Variants in LATS1 observed in about 807,000 individuals in gnomAD.
LATS1 encodes serine/threonine-protein kinase LATS1.
In LATS1, 25 loss-of-function variants were observed where a neutral mutation model predicts 106.6. The ratio of observed to expected loss-of-function variants is 0.23; its 90% confidence interval spans 0.17 to 0.33. LATS1 has a LOEUF of 0.33. Among genes scored for constraint, LATS1 ranks in the 10% least tolerant of loss-of-function variants. The probability of loss-of-function intolerance (pLI) is 1.00; values close to 1 mark genes in which losing one functional copy is unlikely to be tolerated. For missense variants in LATS1, 1,040 were observed against 1,382.6 expected, an observed-to-expected ratio of 0.75 and a Z score of 3.93; for synonymous variants, 465 against 455.6, an observed-to-expected ratio of 1.02 and a Z score of -0.26.
At chr6:149,672,893 A>C (rs1781514985) in intron 7 of LATS1, among the ~76,000 whole-genome samples, 1 of 152,028 alleles carries the variant, frequency 6.6e-6, no homozygotes, top group Non-Finnish European at 1.5e-5. Flanking sequence ...GCAGTGAGCC[A>C]AGATAGCACC....
intron 1 of LATS1, among the ~76,000 whole-genome samples, chr6:149,713,048 C>A (rs996603895): frequency 6.6e-6 from 1 of 152,010 alleles, no homozygotes; most frequent in Non-Finnish European, 1.5e-5. Context: ...AACCCTTGGG[C>A]CCCCAACTTC....
At chr6:149,672,551 T>C (rs796750503) in intron 7 of LATS1, among the ~76,000 whole-genome samples, 7 of 152,122 alleles carry the variant, frequency 4.6e-5, no homozygotes, top group African/African-American at 1.4e-4. Context: ...ATCTTGCTCA[T>C]GTTCTAGATT....
chr6:149,698,075 G>C (rs923754096), intron 2 of LATS1, among the ~76,000 whole-genome samples: 2 of 151,994 alleles, frequency 1.3e-5, no homozygotes, highest in Non-Finnish European at 2.9e-5. Context: ...TTTCAGCCTT[G>C]TGATTCTGGT....
At chr6:149,667,049 A>G (rs1323383853) in intron 7 of LATS1, among the ~76,000 whole-genome samples, 1 of 152,178 alleles carries the variant, frequency 6.6e-6, no homozygotes, top group Non-Finnish European at 1.5e-5. Flanking sequence ...GAAATTTTAT[A>G]ATGGAAAAAT....
Position 149,683,990 on chromosome 6 carries a change from T to C in LATS1, c.1099A>G (p.Thr367Ala). 3 of 1,614,182 alleles carry C rather than the reference T, an allele frequency of 1.9e-6. No homozygotes were observed. The highest frequency in any genetic ancestry group is 2.2e-5 in the East Asian group (1 of 44,886). Residue 367 changes from threonine to alanine, a missense_variant, in exon 4 of 8, where the codon ACT becomes GCT. By Grantham distance (58) the Thr-to-Ala change is moderately conservative (BLOSUM62 0). Coordinates refer to ENST00000543571, the MANE Select transcript of LATS1 (RefSeq NM_004690.4). ...MIHQNVVPAGTVNRQPPPPYP... is the reference protein window; with the variant it reads ...MIHQNVVPAGAVNRQPPPPYP... ...GGAGGTGGTGGCTGCCGATTCACAGTGCCAGCAGGGACAACATTTTGGTGT... is the reference window on the plus strand; with the variant it reads ...GGAGGTGGTGGCTGCCGATTCACAGCGCCAGCAGGGACAACATTTTGGTGT...
Position 149,683,876 on chromosome 6 carries a change from T to C in LATS1, c.1213A>G (p.Ile405Val), listed in dbSNP as rs149083168. Residue 405 changes from isoleucine (I) to valine (V), a missense_variant, in exon 4 of 8, where the codon ATT becomes GTT. Transcript: ENST00000543571. ...AAPSSYTNGS[I>V]PQSMMVPNRN... ...TTTGGCACCATCATAGACTGAGGAA[T>C]ACTTCCATTTGTATATGACGAAGGA... 63 of 1,613,980 alleles carry C rather than the reference T, an allele frequency of 3.9e-5. No homozygotes were observed. The highest frequency in any genetic ancestry group is 5.2e-5 in the Non-Finnish European group (61 of 1,179,952).
At chr6:149,679,445 G>A (rs1468888021) in intron 5 of LATS1, among the ~76,000 whole-genome samples, 3 of 151,580 alleles carry the variant, frequency 2.0e-5, no homozygotes, top group East Asian at 1.9e-4. Flanking sequence ...CCAGCTACTC[G>A]GGAGGCTGAG....
chr6:149,713,718 G>T (rs530409276), intron 1 of LATS1, among the ~76,000 whole-genome samples: 1 of 151,456 alleles, frequency 6.6e-6, no homozygotes, highest in Non-Finnish European at 1.5e-5. Context: ...GGAGTGCAAT[G>T]GCGTGATCTC....
chr6:149,667,973 T>A (rs1262683273), intron 7 of LATS1, among the ~76,000 whole-genome samples: 1 of 152,114 alleles, frequency 6.6e-6, no homozygotes, highest in Non-Finnish European at 1.5e-5. Context: ...CCGGCTGGAG[T>A]GCAGTGGTGT....
At chr6:149,686,732 C>T (rs772136325) in intron 3 of LATS1, among the ~76,000 whole-genome samples, 26 of 152,210 alleles carry the variant, frequency 1.7e-4, no homozygotes, top group Admixed American at 6.5e-4. Flanking sequence ...GGAGGCCACA[C>T]TAATTCCTCT....
intron 1 of LATS1, among the ~76,000 whole-genome samples, chr6:149,710,380 C>T (rs1444098580): frequency 7.2e-5 from 11 of 152,250 alleles, no homozygotes; most frequent in South Asian, 4.1e-4. Context: ...TTCTCTGAGT[C>T]GTCCCGAATT....
intron 1 of LATS1, chr6:149,717,477 T>G (rs983158610): frequency 3.3e-5 from 5 of 152,846 alleles, no homozygotes; most frequent in African/African-American, 1.2e-4. Context: ...GTAGCTCTTT[T>G]ACTGCAATTT....
In LATS1 at chr6:149,661,643, T is replaced by C; in HGVS notation, c.*86A>G. On this transcript the variant is annotated 3_prime_UTR_variant, in exon 8 of 8. Coordinates refer to ENST00000543571, the MANE Select transcript of LATS1 (RefSeq NM_004690.4). ...AGCACACATATATAGCTCTGTCATA[T>C]TTGCATAATTTTACTCTCAGAACCT... 3 of 1,123,570 alleles carry C rather than the reference T, an allele frequency of 2.7e-6. No homozygotes were observed. Among genetic ancestry groups the C allele is most frequent in the Non-Finnish European group, 3.8e-6 (3 of 791,874 alleles). 69.6% of individuals were successfully genotyped at this position (1,123,570 alleles called of 1,614,324 possible). A position where few individuals can be genotyped will look rare whatever the true frequency, so the allele number is the denominator to read the frequency against.
rs141960291 is a variant in LATS1, at chr6:149,693,591, C to T, written c.496+1483G>A. Among the ~76,000 whole-genome samples the T allele has an allele frequency of 3.6e-4, 54 of 151,240 alleles. No individual in the cohort carries two copies. In the East Asian group the frequency reaches 0.01, roughly 29 times the overall value. ...CGCCACTGCACTCCGGCCTGGGTGA[C>T]AGAGTGAGACTCCATCTCAAAAACA... On this transcript the variant is annotated intron_variant, in intron 3 of 7. Coordinates refer to ENST00000543571, the MANE Select transcript of LATS1 (RefSeq NM_004690.4).
chr6:149,667,898 A>T (rs1056198865), intron 7 of LATS1, among the ~76,000 whole-genome samples: 14 of 152,354 alleles, frequency 9.2e-5, no homozygotes, highest in African/African-American at 3.1e-4. Context: ...TAAGAACTAA[A>T]ACCCAGAATT....
At chr6:149,681,780 G>A (rs891143534) in intron 4 of LATS1, among the ~76,000 whole-genome samples, 2 of 152,170 alleles carry the variant, frequency 1.3e-5, no homozygotes, top group Admixed American at 6.5e-5. Flanking sequence ...AGTGACAGAT[G>A]TAAGATTAGG....
At chr6:149,716,659 T>C (rs1038812985) in intron 1 of LATS1, among the ~76,000 whole-genome samples, 4 of 152,218 alleles carry the variant, frequency 2.6e-5, no homozygotes, top group Non-Finnish European at 4.4e-5. Flanking sequence ...TATTTTTTGG[T>C]GAGCAGCAAG....
intron 1 of LATS1, among the ~76,000 whole-genome samples, chr6:149,712,139 A>G (rs1784138073): frequency 1.3e-5 from 2 of 152,188 alleles, no homozygotes; most frequent in African/African-American, 4.8e-5. Context: ...ATTTCTTAGC[A>G]AAAGAATAAC....
At chr6:149,671,031 G>A (rs1421047043) in intron 7 of LATS1, among the ~76,000 whole-genome samples, 4 of 151,842 alleles carry the variant, frequency 2.6e-5, no homozygotes, top group Non-Finnish European at 2.9e-5. Flanking sequence ...TCTTCTAAAA[G>A]TACTATAGCT....
Sources: allele counts gnomAD v4.1 joint callset (sites outside exome capture counted in the v4.1 genomes callset), GRCh38; gene constraint gnomAD v4.1.1; transcripts MANE v1.5; gene names NCBI Gene and HGNC (gene_info 2026-07-23, HGNC 2026-07-21).